The following ADGRB3 variants were observed in gnomAD, a reference collection of about 807,000 sequenced individuals.
The protein encoded by ADGRB3 is adhesion G protein-coupled receptor B3, also known as brain-specific angiogenesis inhibitor 3.
A neutral mutation model predicts 193.4 loss-of-function variants in ADGRB3; 37 were observed. That is an observed-to-expected ratio of 0.19 (90% confidence interval 0.15 to 0.25). The LOEUF is 0.25. Ranked by LOEUF, ADGRB3 falls within the 10% of genes least tolerant of loss-of-function variation. The probability of loss-of-function intolerance (pLI) is 1.00; values close to 1 mark genes in which losing one functional copy is unlikely to be tolerated. For synonymous variants in ADGRB3, 690 were observed against 644.2 expected (o/e 1.07, Z -1.08); for missense variants, 1,637 against 1,852.9 (o/e 0.88, Z 2.14).
intron 3 of ADGRB3, among the ~76,000 whole-genome samples, chr6:68,692,866 C>T (rs1168557608): frequency 1.3e-5 from 2 of 150,882 alleles, no homozygotes; most frequent in Admixed American, 1.3e-4. Flanking sequence ...AGATACATAG[C>T]TAGATAGATG....
chr6:68,772,879 A>AAC (rs1330963671), intron 3 of ADGRB3, among the ~76,000 whole-genome samples: 1 of 18,890 alleles, frequency 5.3e-5, no homozygotes, highest in Non-Finnish European at 1.0e-4. Context: ...ACAAACAAAC[A>AAC]AACAAAAAAA....
chr6:68,801,084 A>G (rs576824577), intron 3 of ADGRB3, among the ~76,000 whole-genome samples: 21 of 152,346 alleles, frequency 1.4e-4, no homozygotes, highest in African/African-American at 4.8e-4. Context: ...TGTAGGCTTA[A>G]TTAATATGTA....
intron 3 of ADGRB3, among the ~76,000 whole-genome samples, chr6:68,848,784 T>C (rs180729752): frequency 6.6e-6 from 1 of 152,142 alleles, no homozygotes; most frequent in African/African-American, 2.4e-5. Flanking sequence ...TTATAAGTCG[T>C]TATTCTCTCA....
At chr6:69,275,046 T>G (rs960508521) in intron 20 of ADGRB3, among the ~76,000 whole-genome samples, 2 of 152,072 alleles carry the variant, frequency 1.3e-5, no homozygotes, top group Non-Finnish European at 2.9e-5. Flanking sequence ...CAAGGAAAGA[T>G]AGAACAGAAA....
At chr6:68,742,820 A>T (rs142478118) in intron 3 of ADGRB3, among the ~76,000 whole-genome samples, 46 of 152,232 alleles carry the variant, frequency 3.0e-4, no homozygotes, top group African/African-American at 9.1e-4. Context: ...AATGGTGTGA[A>T]CATTAAAACA....
intron 10 of ADGRB3, among the ~76,000 whole-genome samples, chr6:68,988,406 CAG>C (rs1249909646): frequency 6.6e-6 from 1 of 152,050 alleles, no homozygotes; most frequent in African/African-American, 2.4e-5. Flanking sequence ...GGAGCAAAGA[CAG>C]AATCCATGAT....
At chr6:69,135,889 G>T (rs572842038) in intron 17 of ADGRB3, among the ~76,000 whole-genome samples, 1 of 152,160 alleles carries the variant, frequency 6.6e-6, no homozygotes, top group Admixed American at 6.5e-5. Context: ...AACAGAAAAT[G>T]CTCCCTCTAC....
At chr6:68,786,723 G>A (rs1047929674) in intron 3 of ADGRB3, among the ~76,000 whole-genome samples, 1 of 151,018 alleles carries the variant, frequency 6.6e-6, no homozygotes, top group African/African-American at 2.4e-5. Context: ...GGATGGCATT[G>A]AATCTATAAA....
At chr6:68,716,725 G>A (rs1470000753) in intron 3 of ADGRB3, among the ~76,000 whole-genome samples, 1 of 151,592 alleles carries the variant, frequency 6.6e-6, no homozygotes, top group East Asian at 1.9e-4. Context: ...CCCTGAAAGA[G>A]CTAATTGTTA....
At chr6:68,920,015 G>A (rs1353744061) in intron 3 of ADGRB3, among the ~76,000 whole-genome samples, 1 of 152,174 alleles carries the variant, frequency 6.6e-6, no homozygotes, top group Non-Finnish European at 1.5e-5. Flanking sequence ...GATGGAAGCA[G>A]AGTACAGCTG....
intron 17 of ADGRB3, among the ~76,000 whole-genome samples, chr6:69,219,759 A>G (rs1765853818): frequency 1.3e-5 from 2 of 151,880 alleles, no homozygotes; most frequent in South Asian, 4.1e-4. Context: ...CTCACATCTT[A>G]GAGAAAACTT....
intron 3 of ADGRB3, among the ~76,000 whole-genome samples, chr6:68,707,525 G>A (rs1298604979): frequency 6.6e-6 from 1 of 152,064 alleles, no homozygotes; most frequent in Non-Finnish European, 1.5e-5. Flanking sequence ...CTATGTATTA[G>A]TTGCTTACAT....
intron 10 of ADGRB3, among the ~76,000 whole-genome samples, chr6:68,976,051 A>G (rs1768738131): frequency 6.6e-6 from 1 of 152,216 alleles, no homozygotes; most frequent in Admixed American, 6.5e-5. Flanking sequence ...TAGGGTGTAG[A>G]ACAAAATATG....
At chr6:68,881,702 G>T (rs1301592148) in intron 3 of ADGRB3, among the ~76,000 whole-genome samples, 2 of 152,160 alleles carry the variant, frequency 1.3e-5, no homozygotes, top group Non-Finnish European at 2.9e-5. Context: ...GTTCACTGTG[G>T]AACACTTTAG....
chr6:69,061,229 A>G (rs952732788), intron 15 of ADGRB3, among the ~76,000 whole-genome samples: 1 of 152,070 alleles, frequency 6.6e-6, no homozygotes, highest in Non-Finnish European at 1.5e-5. Flanking sequence ...ATTACTGCAT[A>G]CATGAGAAAT....
In ADGRB3 at chr6:68,661,329, A is replaced by G. The variant is rs5025488; in HGVS notation, c.757+21897A>G. 1.9e-3 allele frequency among the ~76,000 whole-genome samples: 214 copies of G among 114,188 alleles called. 6 individuals carry two copies. The highest frequency in any genetic ancestry group is 7.3e-3 in the East Asian group (28 of 3,826). 74.9% of individuals were successfully genotyped at this position (114,188 alleles called of 152,430 possible). A position where few individuals can be genotyped will look rare whatever the true frequency, so the allele number is the denominator to read the frequency against. On this transcript the variant is annotated intron_variant, in intron 3 of 31. Transcript: ENST00000370598. ...TATGTGTGTGTGTGTGTGTGTGTATATATATATATATATGTGTGTGTGTGT... is the reference window on the plus strand; with the variant it reads ...TATGTGTGTGTGTGTGTGTGTGTATGTATATATATATATGTGTGTGTGTGT...
At chr6:69,042,529 A>G (rs1369583329) in intron 13 of ADGRB3, among the ~76,000 whole-genome samples, 1 of 152,200 alleles carries the variant, frequency 6.6e-6, no homozygotes, top group African/African-American at 2.4e-5. Flanking sequence ...TTAAAAAGAA[A>G]TTGTTAATGC....
chr6:68,775,790 T>A (rs947767987), intron 3 of ADGRB3, among the ~76,000 whole-genome samples: 2 of 152,168 alleles, frequency 1.3e-5, no homozygotes, highest in African/African-American at 4.8e-5. Context: ...TTCTCCTCCT[T>A]AATTCATTTT....
At chr6:69,182,467 G>C (rs1775611808) in intron 17 of ADGRB3, among the ~76,000 whole-genome samples, 1 of 151,370 alleles carries the variant, frequency 6.6e-6, no homozygotes, top group Non-Finnish European at 1.5e-5. Context: ...TACTTCTGAG[G>C]AACCTAGAGC....
Sources: gnomAD v4.1 joint callset for allele counts (sites outside exome capture counted in the v4.1 genomes callset) on GRCh38, gnomAD v4.1.1 for gene constraint, MANE v1.5 for transcripts, NCBI Gene and HGNC (gene_info 2026-07-23, HGNC 2026-07-21) for gene names.